The following CLSTN2 variants were observed in gnomAD, a reference collection of about 807,000 sequenced individuals.
CLSTN2 encodes the protein calsyntenin 2.
In CLSTN2, 48 loss-of-function variants were observed where a neutral mutation model predicts 101.2. The ratio of observed to expected loss-of-function variants is 0.47; its 90% CI spans 0.38 to 0.60. CLSTN2 has a LOEUF of 0.60. Ranked by LOEUF, CLSTN2 falls within the 20% of genes least tolerant of loss-of-function variation. The pLI, the probability that CLSTN2 is intolerant of heterozygous loss-of-function variation, is 0.00. For synonymous variants in CLSTN2, 481 were observed against 463.6 expected, an observed-to-expected ratio of 1.04 and a Z score of -0.48; for missense variants, 1,160 against 1,238.2, an observed-to-expected ratio of 0.94 and a Z score of 0.95.
At chr3:140,299,393 T>A (rs1246366104) in intron 2 of CLSTN2, among the ~76,000 whole-genome samples, 1 of 152,238 alleles carries the variant, frequency 6.6e-6, no homozygotes, top group Non-Finnish European at 1.5e-5. Flanking sequence ...TCAGTTCTGT[T>A]CAATTTAGTA....
intron 8 of CLSTN2, among the ~76,000 whole-genome samples, chr3:140,471,630 G>A (rs1933850908): frequency 6.6e-6 from 1 of 152,180 alleles, no homozygotes; most frequent in African/African-American, 2.4e-5. Context: ...ATCCTTGGGA[G>A]CATCTTTTGC....
chr3:139,987,011 A>G (rs1936036245), intron 1 of CLSTN2, among the ~76,000 whole-genome samples: 2 of 149,606 alleles, frequency 1.3e-5, no homozygotes, highest in Non-Finnish European at 3.0e-5. Context: ...ATACATCCCT[A>G]TTATGTAGCT....
At chr3:140,046,981 C>T (rs751326751) in intron 1 of CLSTN2, among the ~76,000 whole-genome samples, 55 of 152,088 alleles carry the variant, frequency 3.6e-4, no homozygotes, top group African/African-American at 1.3e-3. Context: ...TTGCCTACCA[C>T]GTATATTATC....
chr3:140,158,096 A>G (rs565840086), intron 1 of CLSTN2, among the ~76,000 whole-genome samples: 1 of 152,286 alleles, frequency 6.6e-6, no homozygotes, highest in Non-Finnish European at 1.5e-5. Context: ...CACAACCAAC[A>G]TTACACTAAA....
intron 5 of CLSTN2, among the ~76,000 whole-genome samples, chr3:140,422,434 ACAT>A (rs1354959321): frequency 6.6e-6 from 1 of 152,168 alleles, no homozygotes; most frequent in Non-Finnish European, 1.5e-5. Flanking sequence ...AAGCTGCCTG[ACAT>A]CATTCCCCTC....
chr3:140,423,179 A>G (rs889603414), intron 5 of CLSTN2, among the ~76,000 whole-genome samples: 5 of 152,224 alleles, frequency 3.3e-5, no homozygotes, highest in African/African-American at 1.2e-4. Flanking sequence ...TAATTTCCTA[A>G]CAGAATTTGT....
At chr3:140,202,657 C>A (rs1454882572) in intron 2 of CLSTN2, among the ~76,000 whole-genome samples, 1 of 152,128 alleles carries the variant, frequency 6.6e-6, no homozygotes, top group African/African-American at 2.4e-5. Context: ...AATTGGTAAA[C>A]AGCTAGTCTT....
At chr3:140,256,959 CAAACTT>C (rs1354377416) in intron 2 of CLSTN2, among the ~76,000 whole-genome samples, 1 of 152,094 alleles carries the variant, frequency 6.6e-6, no homozygotes, top group African/African-American at 2.4e-5. Context: ...GCTGGGAAGA[CAAACTT>C]AAAACACAGG....
In CLSTN2 at chr3:140,572,121, C is replaced by T. The variant is rs1320451084; in HGVS notation, c.*5868C>T. 1 of 152,240 alleles carries T rather than the reference C, an allele frequency of 6.6e-6. No individual in the cohort carries two copies. The highest frequency in any genetic ancestry group is 1.5e-5 in the Non-Finnish European group (1 of 68,104). The allele number at this position is 152,240 out of a possible 1,614,324, so 9.4% of individuals were successfully genotyped here. Reference sequence around the variant, plus strand: ...GTGTTGGAAGCTGTGCACGAGCAGTCAGGACTTTGGGGACAGAAGTTTAGT... The same window carrying T: ...GTGTTGGAAGCTGTGCACGAGCAGTTAGGACTTTGGGGACAGAAGTTTAGT... On this transcript the variant is annotated 3_prime_UTR_variant, in exon 17 of 17. Coordinates refer to ENST00000458420, the MANE Select transcript of CLSTN2 (RefSeq NM_022131.3).
intron 2 of CLSTN2, among the ~76,000 whole-genome samples, chr3:140,352,132 C>T (rs2087614962): frequency 6.6e-6 from 1 of 152,184 alleles, no homozygotes; most frequent in Admixed American, 6.5e-5. Context: ...ATAGTTGGAT[C>T]TTCCAGACGG....
At chr3:140,363,519 C>G (rs914058074) in intron 2 of CLSTN2, among the ~76,000 whole-genome samples, 5 of 152,192 alleles carry the variant, frequency 3.3e-5, no homozygotes, top group African/African-American at 1.2e-4. Flanking sequence ...AAAATAGATT[C>G]TGATTCTCCA....
chr3:140,218,204 G>A (rs2010943102), intron 2 of CLSTN2, among the ~76,000 whole-genome samples: 2 of 152,130 alleles, frequency 1.3e-5, no homozygotes, highest in African/African-American at 4.8e-5. Flanking sequence ...AAAATGATTA[G>A]CTTGATTCGC....
intron 1 of CLSTN2, among the ~76,000 whole-genome samples, chr3:139,992,805 T>G (rs181135354): frequency 1.2e-4 from 18 of 151,878 alleles, no homozygotes; most frequent in East Asian, 9.7e-4. Context: ...AATTGAGGAG[T>G]AGAAGGGCTA....
At chr3:140,509,736 T>C (rs951175509) in intron 8 of CLSTN2, among the ~76,000 whole-genome samples, 3 of 152,208 alleles carry the variant, frequency 2.0e-5, no homozygotes, top group Non-Finnish European at 4.4e-5. Flanking sequence ...CCCCACTTCG[T>C]TGAGACTGGA....
rs531129147 is a variant in CLSTN2, at chr3:140,385,812, G to C, written c.233-17817G>C. On this transcript the variant is annotated intron_variant, in intron 2 of 16. Coordinates refer to ENST00000458420, the MANE Select transcript of CLSTN2 (RefSeq NM_022131.3). ...GAATTCTAATTACTCACTGCACAAGGCCTGAGAAGCAAGCTGGGGTCTAGG... is the reference window on the plus strand; with the variant it reads ...GAATTCTAATTACTCACTGCACAAGCCCTGAGAAGCAAGCTGGGGTCTAGG... Among the ~76,000 whole-genome samples the C allele has an allele frequency of 2.0e-5, 3 of 152,260 alleles. No individual in the cohort carries two copies. In the East Asian group the frequency reaches 5.8e-4, roughly 29 times the overall value.
intron 1 of CLSTN2, among the ~76,000 whole-genome samples, chr3:140,049,175 G>A (rs928252950): frequency 6.6e-6 from 1 of 152,206 alleles, no homozygotes; most frequent in Admixed American, 6.5e-5. Context: ...TCCCTGAAGA[G>A]GGCCAGCTCT....
At chr3:140,560,546 C>A (rs1935890269) in intron 12 of CLSTN2, among the ~76,000 whole-genome samples, 1 of 148,970 alleles carries the variant, frequency 6.7e-6, no homozygotes, top group Non-Finnish European at 1.5e-5. Flanking sequence ...CATTTTTTAG[C>A]CCTTGGTGGT....
At chr3:139,965,078 T>C (rs1003418801) in intron 1 of CLSTN2, among the ~76,000 whole-genome samples, 1 of 152,234 alleles carries the variant, frequency 6.6e-6, no homozygotes, top group African/African-American at 2.4e-5. Context: ...TTGATTTTCA[T>C]GCCACCCTCT....
chr3:140,575,179 G>C lies in CLSTN2; in HGVS notation c.*8926G>C, dbSNP rs1161588172. ...TTTTTTGTTTTTCTGTTTTTGTTTTGTTTTTGGCGTGGAGGAGAAATTTAG... is the reference window on the plus strand; with the variant it reads ...TTTTTTGTTTTTCTGTTTTTGTTTTCTTTTTGGCGTGGAGGAGAAATTTAG... On this transcript the variant is annotated 3_prime_UTR_variant, in exon 17 of 17. Coordinates refer to ENST00000458420, the MANE Select transcript of CLSTN2 (RefSeq NM_022131.3). The C allele has an allele frequency of 6.6e-6, 1 of 152,148 alleles. No homozygotes were observed. Among genetic ancestry groups the C allele is most frequent in the African/African-American group, 2.4e-5 (1 of 41,422 alleles). 9.4% of individuals were successfully genotyped at this position (152,148 alleles called of 1,614,324 possible). A position where few individuals can be genotyped will look rare whatever the true frequency, so the allele number is the denominator to read the frequency against.
Sources: gnomAD v4.1 joint callset for allele counts (sites outside exome capture counted in the v4.1 genomes callset) on GRCh38, gnomAD v4.1.1 for gene constraint, MANE v1.5 for transcripts, NCBI Gene and HGNC (gene_info 2026-07-23, HGNC 2026-07-21) for gene names.